Variants in SPAG16 observed in about 807,000 individuals in gnomAD.
SPAG16 encodes sperm associated antigen 16.
A neutral mutation model predicts 80.4 loss-of-function variants in SPAG16; 86 were observed. That is an observed-to-expected ratio of 1.07 (90% CI 0.90 to 1.28). SPAG16 has a LOEUF of 1.28. Among genes scored for constraint, SPAG16 ranks in the 50% most tolerant of loss-of-function variants. The pLI is 0.00. For synonymous variants in SPAG16, 294 were observed against 265.9 expected, an observed-to-expected ratio of 1.11 and a Z score of -1.03; for missense variants, 870 against 765.3, an observed-to-expected ratio of 1.14 and a Z score of -1.61.
chr2:213,414,754 C>T (rs1197911228), intron 9 of SPAG16, among the ~76,000 whole-genome samples: 2 of 152,198 alleles, frequency 1.3e-5, no homozygotes, highest in African/African-American at 4.8e-5. Flanking sequence ...TAAGTAATAA[C>T]CGCTGATAAA....
intron 5 of SPAG16, among the ~76,000 whole-genome samples, chr2:213,318,409 C>A (rs1017214904): frequency 3.3e-5 from 5 of 151,892 alleles, no homozygotes; most frequent in Admixed American, 3.3e-4. Context: ...AACAGAAAGT[C>A]AAAAACCACA....
intron 15 of SPAG16, among the ~76,000 whole-genome samples, chr2:214,285,760 A>G (rs1693309605): frequency 6.6e-6 from 1 of 152,086 alleles, no homozygotes; most frequent in Non-Finnish European, 1.5e-5. Context: ...CCAAGATCAC[A>G]CCACTACACT....
At chr2:214,277,776 G>T (rs1428937343) in intron 15 of SPAG16, among the ~76,000 whole-genome samples, 1 of 152,216 alleles carries the variant, frequency 6.6e-6, no homozygotes, top group African/African-American at 2.4e-5. Flanking sequence ...GGACCCACTT[G>T]AGGAAGCAGT....
chr2:214,113,694 A>G (rs988991052), intron 14 of SPAG16, among the ~76,000 whole-genome samples: 1 of 152,106 alleles, frequency 6.6e-6, no homozygotes, highest in African/African-American at 2.4e-5. Flanking sequence ...GGTATTCTCT[A>G]CACTGTTTAT....
At chr2:214,357,488 C>T (rs1324023072) in intron 15 of SPAG16, among the ~76,000 whole-genome samples, 1 of 151,824 alleles carries the variant, frequency 6.6e-6, no homozygotes, top group Non-Finnish European at 1.5e-5. Context: ...TGCTCTACCC[C>T]CTCCCCCAGT....
intron 15 of SPAG16, among the ~76,000 whole-genome samples, chr2:214,217,488 C>T (rs1258729221): frequency 6.6e-6 from 1 of 152,134 alleles, no homozygotes; most frequent in African/African-American, 2.4e-5. Context: ...AAAGTAAGAT[C>T]CCTATCAGTC....
chr2:214,177,986 T>C (rs1409587804), intron 15 of SPAG16, among the ~76,000 whole-genome samples: 6 of 37,682 alleles, frequency 1.6e-4, no homozygotes, highest in Non-Finnish European at 4.8e-4. Context: ...TATATATATA[T>C]ATATATATAT....
intron 14 of SPAG16, among the ~76,000 whole-genome samples, chr2:214,147,030 T>A (rs1163347014): frequency 3.9e-5 from 6 of 152,162 alleles, no homozygotes; most frequent in Middle Eastern, 6.8e-3. Flanking sequence ...TTCATATTCA[T>A]TTTACCATAA....
rs2055028013 is a variant in SPAG16, at chr2:214,135,859, C to G, written c.1594-13281C>G. Among the ~76,000 whole-genome samples, 3 of 152,104 alleles carry G rather than the reference C, an allele frequency of 2.0e-5. No individual in the cohort carries two copies. The South Asian group carries it at 6.2e-4, about 32-fold the overall frequency. ...CCTCACCAGAAGCAGATACTGGCGCCATGCTTCTATAGTCTGCCGACTGCA... is the reference window on the plus strand; with the variant it reads ...CCTCACCAGAAGCAGATACTGGCGCGATGCTTCTATAGTCTGCCGACTGCA... On this transcript the variant is annotated intron_variant, in intron 14 of 15. Coordinates refer to ENST00000331683, the MANE Select transcript of SPAG16 (RefSeq NM_024532.5).
intron 10 of SPAG16, among the ~76,000 whole-genome samples, chr2:213,780,550 C>A (rs1246354350): frequency 2.0e-5 from 3 of 147,804 alleles, no homozygotes; most frequent in Non-Finnish European, 4.5e-5. Flanking sequence ...CAAAGCAGGT[C>A]CAAACATTTT....
At chr2:214,283,787 A>C (rs1693143158) in intron 15 of SPAG16, among the ~76,000 whole-genome samples, 2 of 152,178 alleles carry the variant, frequency 1.3e-5, no homozygotes, top group Non-Finnish European at 2.9e-5. Context: ...ATTAAGGATA[A>C]AGATATTCAG....
Position 214,248,215 on chromosome 2 carries a change from A to G in SPAG16, c.1720+98949A>G, listed in dbSNP as rs547621658. On this transcript the variant is annotated intron_variant, in intron 15 of 15. Transcript: ENST00000331683. The stretch of plus-strand genomic sequence containing the variant: ...GCATCTAACAAGAGTGCTGGAACTA[A>G]GAGGTTAGAGGAAATTTTATTCACT... 1.1e-4 allele frequency among the ~76,000 whole-genome samples: 17 copies of G among 151,594 alleles called. No individual in the cohort carries two copies. In the South Asian group the frequency reaches 3.3e-3, roughly 30 times the overall value.
At chr2:213,891,543 G>T (rs2076785590) in intron 11 of SPAG16, among the ~76,000 whole-genome samples, 1 of 151,888 alleles carries the variant, frequency 6.6e-6, no homozygotes. Flanking sequence ...GTCTTAGCTG[G>T]TATTCAAAGA....
chr2:214,227,802 TCA>T (rs1659828223), intron 15 of SPAG16, among the ~76,000 whole-genome samples: 1 of 151,668 alleles, frequency 6.6e-6, no homozygotes, highest in South Asian at 2.1e-4. Flanking sequence ...TAGACAAATC[TCA>T]GTTTGTTATT....
At chr2:213,872,482 T>G (rs2075991556) in intron 11 of SPAG16, among the ~76,000 whole-genome samples, 1 of 152,094 alleles carries the variant, frequency 6.6e-6, no homozygotes, top group Admixed American at 6.6e-5. Context: ...TTTAAAAAAT[T>G]TTAGTATATT....
At chr2:213,821,516 G>A (rs1455626384) in intron 10 of SPAG16, among the ~76,000 whole-genome samples, 1 of 151,732 alleles carries the variant, frequency 6.6e-6, no homozygotes, top group Non-Finnish European at 1.5e-5. Flanking sequence ...AAGTAAATGG[G>A]GTATCCATTC....
At chr2:213,754,016 G>A (rs1487988704) in intron 10 of SPAG16, among the ~76,000 whole-genome samples, 1 of 152,166 alleles carries the variant, frequency 6.6e-6, no homozygotes, top group African/African-American at 2.4e-5. Context: ...GAGATATCTT[G>A]AGAGTTAATT....
At chr2:214,380,015 TGTATACACA>T (rs1384473503) in intron 15 of SPAG16, among the ~76,000 whole-genome samples, 32 of 152,164 alleles carry the variant, frequency 2.1e-4, no homozygotes, top group African/African-American at 7.7e-4. Context: ...CACACTGCAT[TGTATACACA>T]CTGCATTCTT....
intron 10 of SPAG16, among the ~76,000 whole-genome samples, chr2:213,630,773 C>A (rs932572056): frequency 1.3e-5 from 2 of 152,040 alleles, no homozygotes; most frequent in Non-Finnish European, 2.9e-5. Context: ...CTGACTAGTA[C>A]CTGGAAGAAC....
Sources: gnomAD v4.1 joint callset for allele counts (sites outside exome capture counted in the v4.1 genomes callset) on GRCh38, gnomAD v4.1.1 for gene constraint, MANE v1.5 for transcripts, NCBI Gene and HGNC (gene_info 2026-07-23, HGNC 2026-07-21) for gene names.